DERA: variants seen among roughly 807,000 people sequenced by gnomAD.
The protein encoded by DERA is 2-deoxy-D-ribose 5-phosphate aldolase.
DERA carries 15 observed loss-of-function variants against 41.1 expected under a neutral mutation model. The ratio of observed to expected loss-of-function variants is 0.37; its 90% CI spans 0.24 to 0.56. DERA has a LOEUF of 0.56. Among genes scored for constraint, DERA ranks in the 20% least tolerant of loss-of-function variants. DERA has a pLI of 0.81. For synonymous variants in DERA, 139 were observed against 137.4 expected (o/e 1.01, Z -0.08); for missense variants, 396 against 403.4 (o/e 0.98, Z 0.16).
At chr12:15,939,894 T>C (rs1034569690) in intron 1 of DERA, among the ~76,000 whole-genome samples, 9 of 152,218 alleles carry the variant, frequency 5.9e-5, no homozygotes, top group Non-Finnish European at 1.3e-4. Flanking sequence ...TGTGTATAAA[T>C]AAAATGTTTA....
At position 15,948,685 on chromosome 12, in the gene DERA, A is replaced by C. The variant is rs1023486518; in HGVS notation, c.32-8251A>C. 1.3e-5 allele frequency among the ~76,000 whole-genome samples: 2 copies of C among 152,134 alleles called. 1 individual carries two copies. Among genetic ancestry groups the C allele is most frequent in the Admixed American group, 1.3e-4 (2 of 15,272 alleles). Reference sequence around the variant, plus strand: ...CGGAGTAGTTTGATCATCTGAAGCTATCTTCTCTCAACTCGTCAAAGTCAT... The same window carrying C: ...CGGAGTAGTTTGATCATCTGAAGCTCTCTTCTCTCAACTCGTCAAAGTCAT... On this transcript the variant is annotated intron_variant, in intron 1 of 8. Transcript: ENST00000428559.
intron 6 of DERA, among the ~76,000 whole-genome samples, chr12:16,027,402 T>G (rs1949060543): frequency 6.6e-6 from 1 of 152,196 alleles, no homozygotes; most frequent in Non-Finnish European, 1.5e-5. Flanking sequence ...TGTTACCCTC[T>G]TTGGGAAAAA....
chr12:15,950,695 T>C (rs1390327340), intron 1 of DERA, among the ~76,000 whole-genome samples: 2 of 152,218 alleles, frequency 1.3e-5, no homozygotes, highest in East Asian at 3.8e-4. Flanking sequence ...TGCTCAAATG[T>C]TTTATTATCA....
intron 6 of DERA, among the ~76,000 whole-genome samples, chr12:15,987,065 T>C (rs1480956356): frequency 6.6e-6 from 1 of 152,092 alleles, no homozygotes; most frequent in Non-Finnish European, 1.5e-5. Context: ...CTAGCTATGG[T>C]CAATCAATAT....
rs185194504 is a variant in DERA at position 16,013,502 on chromosome 12, C to T, written c.638-19040C>T. Among the ~76,000 whole-genome samples the T allele has an allele frequency of 4.0e-4, 61 of 152,324 alleles. 1 individual carries two copies. The highest frequency in any genetic ancestry group is 1.4e-3 in the African/African-American group (58 of 41,572). On this transcript the variant is annotated intron_variant, in intron 6 of 8. Coordinates refer to ENST00000428559, the MANE Select transcript of DERA (RefSeq NM_015954.4). The surrounding 1 kb of genome is among the most constrained non-coding windows in gnomAD (Gnocchi z 5.8). ...TGAAGAAGGTGCCTCACTACCCCTT[C>T]ACCTTCTGCCATGATTGTAAGTTTC...
In DERA at chr12:15,965,031, T is replaced by C. The variant is rs1948613079; in HGVS notation, c.508+2084T>C. Among the ~76,000 whole-genome samples, 1 of 152,236 alleles carries C rather than the reference T, an allele frequency of 6.6e-6. No individual in the cohort carries two copies. Among genetic ancestry groups the C allele is most frequent in the Admixed American group, 6.5e-5 (1 of 15,284 alleles). ...AAAGGAACATTTAATACTAGAAATT[T>C]AATTCTAAATAGAAACCTGAAATGA... On this transcript the variant is annotated intron_variant, in intron 5 of 8. Transcript: ENST00000428559. The surrounding 1 kb of genome is among the most constrained non-coding windows in gnomAD (Gnocchi z 4.1).
At chr12:15,912,067 G>C (rs952240185) in intron 1 of DERA, among the ~76,000 whole-genome samples, 7 of 151,560 alleles carry the variant, frequency 4.6e-5, no homozygotes, top group African/African-American at 1.5e-4. Flanking sequence ...TCTCGCAGAG[G>C]GGGATTTGGC....
chr12:15,961,240 GT>G (rs1318928193), intron 4 of DERA, among the ~76,000 whole-genome samples: 7 of 152,250 alleles, frequency 4.6e-5, no homozygotes, highest in African/African-American at 1.4e-4. Flanking sequence ...GATAGACACG[GT>G]AGGACTTGGT....
Position 15,924,109 on chromosome 12 carries a change from A to G in DERA, c.31+12695A>G, listed in dbSNP as rs958341857. ...GGTAAGAATTCTAAAGACTGAAAATAGAGTTGTCTATAAAATTCTATTAAA... is the reference window on the plus strand; with the variant it reads ...GGTAAGAATTCTAAAGACTGAAAATGGAGTTGTCTATAAAATTCTATTAAA... On this transcript the variant is annotated intron_variant, in intron 1 of 8. Coordinates refer to ENST00000428559, the MANE Select transcript of DERA (RefSeq NM_015954.4). This position sits in a 1 kb window ranked among gnomAD's most constrained non-coding sequence, Gnocchi z 5.0. Among the ~76,000 whole-genome samples, 2 of 152,230 alleles carry G rather than the reference A, an allele frequency of 1.3e-5. No individual in the cohort carries two copies. Among genetic ancestry groups the G allele is most frequent in the Admixed American group, 6.5e-5 (1 of 15,284 alleles).
chr12:15,970,155 G>A lies in DERA; in HGVS notation c.508+7208G>A, dbSNP rs1236250575. Among the ~76,000 whole-genome samples, 1 of 152,054 alleles carries A rather than the reference G, an allele frequency of 6.6e-6. No individual in the cohort carries two copies. Among genetic ancestry groups the A allele is most frequent in the African/African-American group, 2.4e-5 (1 of 41,402 alleles). Reference sequence around the variant, plus strand: ...GACTTTTTTAGTTTAAAAGGTTGCTGTACAATTTTATATTAAGTGTTTTAC... The same window carrying A: ...GACTTTTTTAGTTTAAAAGGTTGCTATACAATTTTATATTAAGTGTTTTAC... On this transcript the variant is annotated intron_variant, in intron 5 of 8. Transcript: ENST00000428559. The surrounding 1 kb of genome is among the most constrained non-coding windows in gnomAD (Gnocchi z 4.3).
chr12:16,036,203 A>G lies in DERA; in HGVS notation c.751-29A>G. 2 of 1,536,702 alleles carry G rather than the reference A, an allele frequency of 1.3e-6. No homozygotes were observed. The highest frequency in any genetic ancestry group is 1.8e-6 in the Non-Finnish European group (2 of 1,141,792). On this transcript the variant is annotated intron_variant, in intron 7 of 8. Coordinates refer to ENST00000428559, the MANE Select transcript of DERA (RefSeq NM_015954.4). The surrounding 1 kb of genome is among the most constrained non-coding windows in gnomAD (Gnocchi z 4.9). ...TAAAAGAAATCCAATAACAATAAAG[A>G]TTGTTCTATTCTCTGCCTTCCCATT...
rs904119152 is a variant in DERA, at chr12:16,014,385, T to A, written c.638-18157T>A. The stretch of plus-strand genomic sequence containing the variant: ...TACTTTGTATAGTCTCAGGACTTGG[T>A]GCCCTGCATCCCGGCCGTGGCTAAA... On this transcript the variant is annotated intron_variant, in intron 6 of 8. Coordinates refer to ENST00000428559, the MANE Select transcript of DERA (RefSeq NM_015954.4). This position sits in a 1 kb window ranked among gnomAD's most constrained non-coding sequence, Gnocchi z 5.4. Among the ~76,000 whole-genome samples the A allele has an allele frequency of 2.0e-5, 3 of 152,172 alleles. No individual in the cohort carries two copies. Among genetic ancestry groups the A allele is most frequent in the Non-Finnish European group, 4.4e-5 (3 of 68,028 alleles).
In DERA at chr12:16,011,666, T is replaced by G. The variant is rs1948947776; in HGVS notation, c.638-20876T>G. Among the ~76,000 whole-genome samples the G allele has an allele frequency of 6.6e-6, 1 of 152,176 alleles. No homozygotes were observed. Among genetic ancestry groups the G allele is most frequent in the African/African-American group, 2.4e-5 (1 of 41,442 alleles). Reference sequence around the variant, plus strand: ...ATCAATGAAAGGCATTTGCCTAACATAGCAAATCCCTTCATCAATAAGGTC... The same window carrying G: ...ATCAATGAAAGGCATTTGCCTAACAGAGCAAATCCCTTCATCAATAAGGTC... On this transcript the variant is annotated intron_variant, in intron 6 of 8. Transcript: ENST00000428559. The surrounding 1 kb of genome is among the most constrained non-coding windows in gnomAD (Gnocchi z 4.7).
rs138813983 is a variant in DERA, at chr12:15,935,229, G to C, written c.32-21707G>C. On this transcript the variant is annotated intron_variant, in intron 1 of 8. Coordinates refer to ENST00000428559, the MANE Select transcript of DERA (RefSeq NM_015954.4). This position sits in a 1 kb window ranked among gnomAD's most constrained non-coding sequence, Gnocchi z 4.8. ...TGGCTGAGTATGGTGGCTCATGCCT[G>C]TAATCTCAGCACTTTGGGAGGCTGA... Among the ~76,000 whole-genome samples, 240 of 152,326 alleles carry C rather than the reference G, an allele frequency of 1.6e-3. 5 individuals are homozygous for C. In the East Asian group the frequency reaches 0.04, roughly 26 times the overall value.
intron 1 of DERA, among the ~76,000 whole-genome samples, chr12:15,953,877 T>C (rs1353945676): frequency 6.6e-6 from 1 of 152,198 alleles, no homozygotes; most frequent in Non-Finnish European, 1.5e-5. Context: ...TAAAACGAGA[T>C]AGTCACTTAC....
Position 15,981,657 on chromosome 12 carries a change from A to T in DERA, c.509-651A>T, listed in dbSNP as rs1948733735. Among the ~76,000 whole-genome samples, 4 of 152,222 alleles carry T rather than the reference A, an allele frequency of 2.6e-5. No homozygotes were observed. Among genetic ancestry groups the T allele is most frequent in the Admixed American group, 2.0e-4 (3 of 15,284 alleles). On this transcript the variant is annotated intron_variant, in intron 5 of 8. Transcript: ENST00000428559. The surrounding 1 kb of genome is among the most constrained non-coding windows in gnomAD (Gnocchi z 6.1). ...CCAATGTGGAACCCTCCAAAGCCAG[A>T]TGTGGTACTGGGGTCATGGGCTCAG...
rs1254677075 is a variant in DERA, at chr12:15,989,465, CCTTT to C, written c.637+7030_637+7033del. Among the ~76,000 whole-genome samples, 1 of 152,138 alleles carries C rather than the reference CCTTT, an allele frequency of 6.6e-6. No homozygotes were observed. Among genetic ancestry groups the C allele is most frequent in the Non-Finnish European group, 1.5e-5 (1 of 68,030 alleles). On this transcript the variant is annotated intron_variant, in intron 6 of 8. Transcript: ENST00000428559. This position sits in a 1 kb window ranked among gnomAD's most constrained non-coding sequence, Gnocchi z 5.2. ...TTTTCACTGGTTGAGATCATATTTTCCTTTAAGTACTTGAGTATATTTGTAATAG... is the reference window on the plus strand; with the variant it reads ...TTTTCACTGGTTGAGATCATATTTTCAAGTACTTGAGTATATTTGTAATAG...
At chr12:16,023,161 C>T (rs537637569) in intron 6 of DERA, among the ~76,000 whole-genome samples, 1 of 152,276 alleles carries the variant, frequency 6.6e-6, no homozygotes, top group East Asian at 1.9e-4. Context: ...ACTCCTCCCT[C>T]ATCTGTTACC....
Position 15,993,233 on chromosome 12 carries a change from A to C in DERA, c.637+10797A>C, listed in dbSNP as rs1477545721. Among the ~76,000 whole-genome samples, 3 of 151,660 alleles carry C rather than the reference A, an allele frequency of 2.0e-5. No homozygotes were observed. The highest frequency in any genetic ancestry group is 3.9e-4 in the East Asian group (2 of 5,184). ...AAGGGGAAAAGTAGTGGGAAACGCT[A>C]TGACTGAATGAAACCAAAACACTAA... On this transcript the variant is annotated intron_variant, in intron 6 of 8. Coordinates refer to ENST00000428559, the MANE Select transcript of DERA (RefSeq NM_015954.4). The surrounding 1 kb of genome is among the most constrained non-coding windows in gnomAD (Gnocchi z 4.4).
Sources: allele counts gnomAD v4.1 joint callset (sites outside exome capture counted in the v4.1 genomes callset), GRCh38; gene constraint gnomAD v4.1.1; non-coding constraint Gnocchi (gnomAD v3.1); transcripts MANE v1.5; gene names NCBI Gene and HGNC (gene_info 2026-07-23, HGNC 2026-07-21).